Variants in SH3KBP1 observed in about 807,000 individuals in gnomAD.
The protein encoded by SH3KBP1 is SH3 domain containing kinase binding protein 1.
Under a neutral mutation model 50.1 loss-of-function variants are expected in SH3KBP1, and 8 were observed. That is an observed-to-expected ratio of 0.16 (90% confidence interval 0.09 to 0.29). The LOEUF (loss-of-function observed/expected upper bound fraction) is 0.29. SH3KBP1 is among the 10% of genes least tolerant of loss of function. SH3KBP1 has a pLI of 1.00. For missense variants in SH3KBP1, 377 were observed against 535.2 expected, an observed-to-expected ratio of 0.70 and a Z score of 2.92; for synonymous variants, 227 against 218.6, an observed-to-expected ratio of 1.04 and a Z score of -0.34.
At chrX:19,567,160 G>C (rs2065865087) in intron 13 of SH3KBP1, among the ~76,000 whole-genome samples, 2 of 108,748 alleles carry the variant, frequency 1.8e-5, no homozygotes, top group African/African-American at 6.8e-5. Flanking sequence ...GTAACACAAG[G>C]GATCTAGTGG....
chrX:19,875,403 G>A (rs753883932), intron 1 of SH3KBP1, among the ~76,000 whole-genome samples: 1 of 112,438 alleles, frequency 8.9e-6, no homozygotes, highest in African/African-American at 3.2e-5. Flanking sequence ...CATCCTGGAT[G>A]GCTAGAGCAC....
intron 7 of SH3KBP1, among the ~76,000 whole-genome samples, chrX:19,638,254 C>CA (rs2061761826): frequency 9.2e-6 from 1 of 109,080 alleles, no homozygotes; most frequent in South Asian, 4.0e-4. Context: ...ACTAAAAATA[C>CA]AAAAAATTAG....
chrX:19,669,732 T>C (rs891126648), intron 6 of SH3KBP1, among the ~76,000 whole-genome samples: 9 of 111,844 alleles, frequency 8.0e-5, no homozygotes, highest in Admixed American at 3.8e-4. Flanking sequence ...CCGATGAATA[T>C]ATTTTTATCC....
chrX:19,782,190 G>A (rs1418321039), intron 2 of SH3KBP1, among the ~76,000 whole-genome samples: 1 of 111,205 alleles, frequency 9.0e-6, no homozygotes, highest in Non-Finnish European at 1.9e-5. Context: ...CAGAGGAGAA[G>A]ATGGACAGAG....
At position 19,648,023 on chromosome X, in the gene SH3KBP1, G is replaced by A. The variant is rs768907669; in HGVS notation, c.727-2548C>T. On this transcript the variant is annotated intron_variant, in intron 6 of 17. Transcript: ENST00000397821. ...CTTCAGGGGCCTATTCTCATACCTA[G>A]ATAAATTATGAAACATCTTTTTAAC... is the stretch of plus-strand genomic sequence containing the variant. The A allele has an allele frequency of 8.0e-6, 3 of 372,877 alleles. No individual in the cohort carries two copies. In the East Asian group the frequency reaches 2.3e-4, roughly 28 times the overall value. 30.7% of individuals were successfully genotyped at this position (372,877 alleles called of 1,213,427 possible).
intron 5 of SH3KBP1, 97 bp downstream of exon 5, chrX:19,695,515 A>G (rs1179176456): frequency 9.5e-7 from 1 of 1,051,919 alleles, no homozygotes; most frequent in Non-Finnish European, 1.3e-6. Context: ...AGCGTTTACT[A>G]TAGCCTCTCG....
intron 2 of SH3KBP1, among the ~76,000 whole-genome samples, chrX:19,769,808 A>T (rs1221047040): frequency 9.0e-6 from 1 of 111,134 alleles, no homozygotes; most frequent in African/African-American, 3.3e-5. Flanking sequence ...AGAATCATAA[A>T]ATCAGAGATC....
At chrX:19,706,638 C>T (rs777455319) in intron 4 of SH3KBP1, among the ~76,000 whole-genome samples, 4 of 110,573 alleles carry the variant, frequency 3.6e-5, no homozygotes, top group Non-Finnish European at 5.7e-5. Flanking sequence ...GTTGGAAATT[C>T]GGAGGTATTT....
chrX:19,670,264 C>A (rs2062753079), intron 6 of SH3KBP1: 1 of 542,444 alleles, frequency 1.8e-6, no homozygotes. Context: ...AATATCTTTA[C>A]CCCATCATAA....
intron 6 of SH3KBP1, among the ~76,000 whole-genome samples, chrX:19,663,642 T>C (rs1446643969): frequency 8.9e-6 from 1 of 112,126 alleles, no homozygotes; most frequent in South Asian, 3.7e-4. Flanking sequence ...TTCAGACATA[T>C]AGGTTTCGGT....
At chrX:19,738,930 G>A (rs1435539837) in intron 3 of SH3KBP1, among the ~76,000 whole-genome samples, 2 of 100,489 alleles carry the variant, frequency 2.0e-5, no homozygotes, top group African/African-American at 3.7e-5. Context: ...AGAATGGCTT[G>A]AACCCGGGAG....
intron 2 of SH3KBP1, among the ~76,000 whole-genome samples, chrX:19,762,696 T>G (rs773579793): frequency 1.5e-3 from 168 of 112,200 alleles, no homozygotes; most frequent in Non-Finnish European, 2.6e-3. Context: ...GCAATTCCCC[T>G]GTCTTGATAA....
At chrX:19,886,806 AC>A (rs1239965466) in intron 1 of SH3KBP1, among the ~76,000 whole-genome samples, 4 of 24,393 alleles carry the variant, frequency 1.6e-4, no homozygotes, top group Non-Finnish European at 2.5e-4. Context: ...TTCCCGCCCC[AC>A]CCCCCAACCC....
intron 3 of SH3KBP1, among the ~76,000 whole-genome samples, chrX:19,719,849 C>CTAATAATAATAA (rs59706273): frequency 1.8e-4 from 18 of 100,595 alleles, no homozygotes; most frequent in East Asian, 3.0e-4. Context: ...CCACCTCTAA[C>CTAATAATAATAA]TAATAATAAT....
intron 12 of SH3KBP1, among the ~76,000 whole-genome samples, chrX:19,580,999 C>T (rs147345126): frequency 3.6e-5 from 4 of 111,417 alleles, no homozygotes; most frequent in African/African-American, 6.5e-5. Flanking sequence ...CCAGGATGGA[C>T]GGTGTGTAGT....
At chrX:19,691,323 T>TCG (rs1489376278) in intron 5 of SH3KBP1, among the ~76,000 whole-genome samples, 10 of 89,972 alleles carry the variant, frequency 1.1e-4, no homozygotes, top group African/African-American at 3.2e-4. Flanking sequence ...TCAATCTCTG[T>TCG]CGCTCTCTCT....
intron 12 of SH3KBP1, among the ~76,000 whole-genome samples, chrX:19,588,055 C>T (rs1041512924): frequency 8.9e-6 from 1 of 111,946 alleles, no homozygotes; most frequent in Non-Finnish European, 1.9e-5. Flanking sequence ...AGCCAGCTGG[C>T]GAATGAATTT....
At chrX:19,593,068 T>A (rs986077821) in intron 10 of SH3KBP1, among the ~76,000 whole-genome samples, 52 of 112,431 alleles carry the variant, frequency 4.6e-4, no homozygotes, top group Non-Finnish European at 4.9e-4. Context: ...TTTTTTCAAA[T>A]GTACCACTTA....
At chrX:19,561,190 C>T (rs1290401614) in intron 13 of SH3KBP1, among the ~76,000 whole-genome samples, 1 of 109,134 alleles carries the variant, frequency 9.2e-6, no homozygotes, top group African/African-American at 3.3e-5. Context: ...ATTACACTTA[C>T]TACAAAATTT....
Sources: allele counts gnomAD v4.1 joint callset (sites outside exome capture counted in the v4.1 genomes callset), GRCh38; gene constraint gnomAD v4.1.1; transcripts MANE v1.5; gene names NCBI Gene and HGNC (gene_info 2026-07-23, HGNC 2026-07-21).